The following DMC1 variants were observed in gnomAD, a reference collection of about 807,000 sequenced individuals.
DMC1 encodes the protein meiotic recombination protein DMC1 homolog.
In DMC1, 27 loss-of-function variants were observed where a neutral mutation model predicts 50.1. The observed-to-expected ratio is 0.54, with a 90% CI of 0.40 to 0.74. The LOEUF (loss-of-function observed/expected upper bound fraction) is 0.74. Ranked by LOEUF, DMC1 falls within the 30% of genes least tolerant of loss-of-function variation. The pLI is 0.00. For synonymous variants in DMC1, 148 were observed against 136.1 expected, an observed-to-expected ratio of 1.09 and a Z score of -0.61; for missense variants, 295 against 420.2, an observed-to-expected ratio of 0.70 and a Z score of 2.60.
chr22:38,547,129 T>C (rs2090351866), intron 8 of DMC1, among the ~76,000 whole-genome samples: 1 of 152,128 alleles, frequency 6.6e-6, no homozygotes, highest in African/African-American at 2.4e-5. Context: ...CATGAACTCC[T>C]GGCCTCAAAT....
intron 13 of DMC1, 68 bp downstream of exon 13, chr22:38,521,538 TAC>T (rs111317680): frequency 0.2 from 123,764 of 632,684 alleles, 3,390 homozygotes; most frequent in South Asian, 0.24. Context: ...ACCCCGTCTC[TAC>T]ACACACACAC....
chr22:38,549,031 A>C (rs939128640), intron 8 of DMC1, among the ~76,000 whole-genome samples: 1 of 152,108 alleles, frequency 6.6e-6, no homozygotes, highest in Non-Finnish European at 1.5e-5. Flanking sequence ...AAGTCCTATC[A>C]ATTTTCCTAA....
chr22:38,550,374 C>A (rs1234658624), intron 7 of DMC1, among the ~76,000 whole-genome samples: 7 of 142,734 alleles, frequency 4.9e-5, no homozygotes, highest in Non-Finnish European at 9.0e-5. Context: ...AGTGCAGTGG[C>A]GCAATCTCAG....
downstream of DMC1, among the ~76,000 whole-genome samples, chr22:38,516,096 C>T (rs925965140): frequency 5.9e-5 from 9 of 152,162 alleles, no homozygotes; most frequent in African/African-American, 9.7e-5. Flanking sequence ...AATTGAACCC[C>T]GGCCTAGAAA....
rs764089025 is a variant in DMC1, at chr22:38,562,275, T to G, written c.326+12A>C. 6.4e-7 allele frequency: 1 copy of G among 1,565,432 alleles called. No individual in the cohort carries two copies. The highest frequency in any genetic ancestry group is 8.8e-7 in the Non-Finnish European group (1 of 1,136,298). On this transcript the variant is annotated intron_variant, in intron 5 of 13. Coordinates refer to ENST00000216024, the MANE Select transcript of DMC1 (RefSeq NM_007068.4). ...ATTATGCTTAGTGATTATAAAAAAG[T>G]AAGATACATACTCAAATTCCTGGCT...
chr22:38,549,778 T>C, intron 8 of DMC1, 147 bp downstream of exon 8: 1 of 649,920 alleles, frequency 1.5e-6, no homozygotes, highest in Non-Finnish European at 2.7e-6. Context: ...ATTGGAGAAC[T>C]TAAACAGTAA....
intron 12 of DMC1, among the ~76,000 whole-genome samples, chr22:38,524,377 T>C (rs767407407): frequency 1.1e-4 from 16 of 151,926 alleles, no homozygotes; most frequent in Non-Finnish European, 1.9e-4. Context: ...GCGCCACCGG[T>C]GGCCCTCCAG....
intron 5 of DMC1, among the ~76,000 whole-genome samples, chr22:38,559,886 C>T (rs577183036): frequency 2.0e-5 from 3 of 151,884 alleles, no homozygotes; most frequent in Non-Finnish European, 4.4e-5. Flanking sequence ...GGCGTGGTGG[C>T]GGGCACCTGT....
intron 12 of DMC1, among the ~76,000 whole-genome samples, chr22:38,534,272 T>C (rs776531518): frequency 1.3e-5 from 2 of 152,242 alleles, no homozygotes; most frequent in African/African-American, 2.4e-5. Flanking sequence ...CTGAATGTGA[T>C]AATTATATTG....
intron 12 of DMC1, among the ~76,000 whole-genome samples, chr22:38,537,131 C>G (rs1485438976): frequency 1.3e-5 from 2 of 152,170 alleles, no homozygotes; most frequent in Non-Finnish European, 1.5e-5. Flanking sequence ...GGATTACAGG[C>G]ATGAGCCACT....
chr22:38,538,703 T>A, intron 9 of DMC1, 91 bp from the exon 10 acceptor site: 1 of 1,124,190 alleles, frequency 8.9e-7, no homozygotes, highest in Non-Finnish European at 1.4e-6. Context: ...GCAAAATAAA[T>A]TCCTTGAAGG....
chr22:38,512,358 C>T, the DMC1 span, among the ~76,000 whole-genome samples: 9 of 152,192 alleles, frequency 5.9e-5, no homozygotes, highest in African/African-American at 9.6e-5. Flanking sequence ...ACCTTGAAGA[C>T]GGAAGTCAAA....
chr22:38,510,448 C>T, the DMC1 span, among the ~76,000 whole-genome samples: 1 of 152,156 alleles, frequency 6.6e-6, no homozygotes, highest in Non-Finnish European at 1.5e-5. Flanking sequence ...GAGCAAGACT[C>T]TGTGTCTAAA....
At chr22:38,523,956 G>A (rs1333983719) in intron 12 of DMC1, among the ~76,000 whole-genome samples, 1 of 152,156 alleles carries the variant, frequency 6.6e-6, no homozygotes, top group Non-Finnish European at 1.5e-5. Flanking sequence ...GCAGAGAGAA[G>A]TCTGAACACA....
At chr22:38,539,451 C>T in intron 8 of DMC1, 39 bp from the exon 9 acceptor site, 1 of 1,560,738 alleles carries the variant, frequency 6.4e-7, no homozygotes, top group Non-Finnish European at 8.8e-7. Flanking sequence ...TAAGTCAATT[C>T]TAAAAAAGTT....
downstream of DMC1, among the ~76,000 whole-genome samples, chr22:38,516,492 C>G (rs2089977641): frequency 6.6e-6 from 1 of 152,166 alleles, no homozygotes; most frequent in South Asian, 2.1e-4. Context: ...ATTGGTCCAC[C>G]CCCTCTCCAG....
intron 7 of DMC1, 34 bp from the exon 8 acceptor site, chr22:38,550,031 G>T (rs764843457): frequency 2.5e-5 from 37 of 1,500,828 alleles, no homozygotes; most frequent in Non-Finnish European, 3.3e-5. Flanking sequence ...ATTAATAGGA[G>T]TGAATAAACT....
At chr22:38,569,251 A>C (rs1228687576) in intron 1 of DMC1, 1 of 152,178 alleles carries the variant, frequency 6.6e-6, no homozygotes, top group Non-Finnish European at 1.5e-5. Context: ...AAAGTTTTTA[A>C]CATTGTAGAC....
chr22:38,558,705 ACT>A (rs1421986293), intron 5 of DMC1, among the ~76,000 whole-genome samples: 1 of 151,690 alleles, frequency 6.6e-6, no homozygotes, highest in African/African-American at 2.4e-5. Context: ...ACACAGCAAG[ACT>A]CTGTCTCAAA....
Sources: allele counts gnomAD v4.1 joint callset (sites outside exome capture counted in the v4.1 genomes callset), GRCh38; gene constraint gnomAD v4.1.1; transcripts MANE v1.5; gene names NCBI Gene and HGNC (gene_info 2026-07-23, HGNC 2026-07-21).